PHF10: variants seen among roughly 807,000 people sequenced by gnomAD.
PHF10 encodes the protein PHD finger protein 10, also known as BRG1-associated factor 45a.
Under a neutral mutation model 68.5 loss-of-function variants are expected in PHF10, and 51 were observed. The observed-to-expected ratio is 0.74, with a 90% CI of 0.59 to 0.94. The LOEUF is 0.94. PHF10 is among the 40% of genes least tolerant of loss of function. The probability of loss-of-function intolerance (pLI) is 0.00; values close to 1 mark genes in which losing one functional copy is unlikely to be tolerated. For missense variants in PHF10, 460 were observed against 602.6 expected (o/e 0.76, Z 2.48); for synonymous variants, 204 against 203.5 (o/e 1.00, Z -0.02).
chr6:169,705,822 T>TA, intron 9 of PHF10, 98 bp from the exon 10 acceptor site: 1 of 722,240 alleles, frequency 1.4e-6, no homozygotes, highest in African/African-American at 1.8e-5. Flanking sequence ...TTACTTTTGG[T>TA]AACTTGCTAA....
At chr6:169,708,565 T>C (rs1016109709) in intron 9 of PHF10, 2 of 152,134 alleles carry the variant, frequency 1.3e-5, no homozygotes. Flanking sequence ...ATCTTTGAAA[T>C]ACCTGAAACA....
chr6:169,711,350 G>A (rs759580552), intron 8 of PHF10, among the ~76,000 whole-genome samples: 1 of 152,040 alleles, frequency 6.6e-6, no homozygotes, highest in Admixed American at 6.6e-5. Context: ...CCCACTGTGG[G>A]CATTAAAATT....
intron 9 of PHF10, chr6:169,708,988 A>C (rs1272646503): frequency 6.6e-6 from 1 of 152,186 alleles, no homozygotes; most frequent in Non-Finnish European, 1.5e-5. Flanking sequence ...CAAGTACAAA[A>C]ATCACATAGC....
At position 169,715,733 on chromosome 6, in the gene PHF10, C is replaced by T. The variant is rs1789031864; in HGVS notation, c.668G>A (p.Arg223Lys). ...NLNRERMEER[R>K]AYFDLQTHVI... Reference sequence around the variant, plus strand: ...ATGTGTCTGCAAGTCAAAATAAGCTCTTCTTTCTTCCATGCGTTCCCGGTT... The same window carrying T: ...ATGTGTCTGCAAGTCAAAATAAGCTTTTCTTTCTTCCATGCGTTCCCGGTT... Residue 223 changes from arginine to lysine, a missense_variant, in exon 6 of 12, where the codon AGA (arginine) becomes AAA (lysine). Arg to Lys is a conservative substitution (Grantham distance 26, BLOSUM62 2). Coordinates refer to ENST00000339209, the MANE Select transcript of PHF10 (RefSeq NM_018288.4). 2 of 1,612,076 alleles carry T rather than the reference C, an allele frequency of 1.2e-6. No individual in the cohort carries two copies. The highest frequency in any genetic ancestry group is 2.2e-5 in the South Asian group (2 of 90,910).
chr6:169,716,347 C>T (rs982812140), intron 4 of PHF10, among the ~76,000 whole-genome samples: 1 of 152,000 alleles, frequency 6.6e-6, no homozygotes, highest in Admixed American at 6.6e-5. Context: ...ATTCTATGTG[C>T]TTTGAACATA....
rs570864659 is a variant in PHF10 at position 169,704,201 on chromosome 6, T to C, written c.1412-113A>G. 128 of 747,498 alleles carry C rather than the reference T, an allele frequency of 1.7e-4. No individual in the cohort carries two copies. The African/African-American group carries it at 1.8e-3, about 10-fold the overall frequency. The allele number at this position is 747,498 out of a possible 1,614,324, so 46.3% of individuals were successfully genotyped here. A position where few individuals can be genotyped will look rare whatever the true frequency, so the allele number is the denominator to read the frequency against. On this transcript the variant is annotated intron_variant, in intron 11 of 11. Coordinates refer to ENST00000339209, the MANE Select transcript of PHF10 (RefSeq NM_018288.4). ...CACTAATGATATTCCTCTCTGGATT[T>C]TGTGGTGAGAAGGGCACTATGAGTT... is the stretch of plus-strand genomic sequence containing the variant.
At position 169,723,863 on chromosome 6, in the gene PHF10, G is replaced by A. The variant is rs1386853051; in HGVS notation, c.69C>T (p.Pro23=). Reference sequence around the variant, plus strand: ...TCCTCACCTTCGGGGACTGCGCTCCGGGGGTGGCTGGGTCGCTGTCGCACG... The same window carrying A: ...TCCTCACCTTCGGGGACTGCGCTCCAGGGGTGGCTGGGTCGCTGTCGCACG... ...PRPCDSDPAT[P]GAQSPKDDNE... Residue 23 remains proline (P), a synonymous_variant, in exon 1 of 12, where the codon CCC becomes CCT. Coordinates refer to ENST00000339209, the MANE Select transcript of PHF10 (RefSeq NM_018288.4). The A allele has an allele frequency of 6.4e-6, 7 of 1,092,662 alleles. No individual in the cohort carries two copies. In the East Asian group the frequency reaches 2.0e-4, roughly 30 times the overall value. The allele number at this position is 1,092,662 out of a possible 1,614,324, so 67.7% of individuals were successfully genotyped here. A position where few individuals can be genotyped will look rare whatever the true frequency, so the allele number is the denominator to read the frequency against.
rs560516212 is a variant in PHF10 at position 169,720,616 on chromosome 6, G to GA, written c.194+388dup. 1.6e-3 allele frequency among the ~76,000 whole-genome samples: 250 copies of GA among 152,250 alleles called. 1 individual carries two copies. The highest frequency in any genetic ancestry group is 5.8e-3 in the African/African-American group (239 of 41,542). On this transcript the variant is annotated intron_variant, in intron 2 of 11. Coordinates refer to ENST00000339209, the MANE Select transcript of PHF10 (RefSeq NM_018288.4). ...CTAAGTAGTCGTATTCACGGAAATAGAAAGTAGAATGATGGTTGCAAGGCG... is the reference window on the plus strand; with the variant it reads ...CTAAGTAGTCGTATTCACGGAAATAGAAAAGTAGAATGATGGTTGCAAGGCG...
chr6:169,712,835 G>A (rs575790356), intron 7 of PHF10, among the ~76,000 whole-genome samples: 1 of 152,194 alleles, frequency 6.6e-6, no homozygotes, highest in Non-Finnish European at 1.5e-5. Flanking sequence ...CCCCAAGTCT[G>A]GCTGCCAGCT....
At position 169,705,603 on chromosome 6, in the gene PHF10, T is replaced by C; in HGVS notation, c.1222+13A>G. 4 of 1,248,590 alleles carry C rather than the reference T, an allele frequency of 3.2e-6. No individual in the cohort carries two copies. The highest frequency in any genetic ancestry group is 4.7e-6 in the Non-Finnish European group (4 of 847,794). 77.3% of individuals were successfully genotyped at this position (1,248,590 alleles called of 1,614,324 possible). A position where few individuals can be genotyped will look rare whatever the true frequency, so the allele number is the denominator to read the frequency against. Reference sequence around the variant, plus strand: ...CGGTGGTTAAAATTTTAAAAAGACATTTCAATACTTACCACTATTCTCACA... The same window carrying C: ...CGGTGGTTAAAATTTTAAAAAGACACTTCAATACTTACCACTATTCTCACA... On this transcript the variant is annotated intron_variant, in intron 10 of 11. Coordinates refer to ENST00000339209, the MANE Select transcript of PHF10 (RefSeq NM_018288.4).
intron 10 of PHF10, 70 bp from the exon 11 acceptor site, chr6:169,705,391 A>C: frequency 9.3e-7 from 1 of 1,071,872 alleles, no homozygotes; most frequent in Non-Finnish European, 1.4e-6. Flanking sequence ...ATAAAATACT[A>C]GTTTGCTTTA....
At chr6:169,709,246 A>G (rs1788874647) in intron 9 of PHF10, 1 of 152,150 alleles carries the variant, frequency 6.6e-6, no homozygotes, top group Non-Finnish European at 1.5e-5. Flanking sequence ...CTTGTGAATT[A>G]TTTACCACAA....
At chr6:169,712,330 G>C in intron 8 of PHF10, 56 bp downstream of exon 8, 1 of 1,449,968 alleles carries the variant, frequency 6.9e-7, no homozygotes, top group Non-Finnish European at 9.6e-7. Context: ...GAAATTCAAT[G>C]TAACAAAAAT....
At position 169,718,905 on chromosome 6, in the gene PHF10, G is replaced by T; in HGVS notation, c.208C>A (p.Pro70Thr). ...SSQDLGFSYY[P>T]AENLIEYKWP... Reference sequence around the variant, plus strand: ...TTGTACTCTATCAAGTTTTCTGCTGGATAGTAACTAAAACTAAGTACAGAA... The same window carrying T: ...TTGTACTCTATCAAGTTTTCTGCTGTATAGTAACTAAAACTAAGTACAGAA... Residue 70 changes from proline (P) to threonine (T), a missense_variant, in exon 3 of 12, where the codon CCA (proline) becomes ACA (threonine). Pro to Thr is a conservative substitution (Grantham distance 38). Around this residue, in one of 3 missense-constraint regions of PHF10, gnomAD observed 93 missense variants for 82.4 expected, o/e 1.13. Coordinates refer to ENST00000339209, the MANE Select transcript of PHF10 (RefSeq NM_018288.4). 1 of 1,582,124 alleles carries T rather than the reference G, an allele frequency of 6.3e-7. No homozygotes were observed. Among genetic ancestry groups the T allele is most frequent in the East Asian group, 2.2e-5 (1 of 44,606 alleles).
intron 3 of PHF10, 79 bp downstream of exon 3, chr6:169,718,708 TA>T (rs1789108902): frequency 3.6e-6 from 3 of 835,842 alleles, no homozygotes; most frequent in Middle Eastern, 7.4e-4. Flanking sequence ...AAATATAATC[TA>T]CAGAAAAATT....
intron 2 of PHF10, among the ~76,000 whole-genome samples, 174 bp downstream of exon 2, chr6:169,720,831 C>A (rs6459654): frequency 6.6e-6 from 1 of 151,974 alleles, no homozygotes. Context: ...CATAAAATTG[C>A]TTTTTAATTA....
chr6:169,715,361 G>A (rs963104661), intron 6 of PHF10, among the ~76,000 whole-genome samples: 7 of 151,964 alleles, frequency 4.6e-5, no homozygotes, highest in Non-Finnish European at 1.0e-4. Context: ...AAAAGAACAC[G>A]CAGGTGTCAG....
intron 9 of PHF10, among the ~76,000 whole-genome samples, chr6:169,705,942 C>T (rs1788770624): frequency 6.6e-6 from 1 of 151,964 alleles, no homozygotes; most frequent in African/African-American, 2.4e-5. Flanking sequence ...AGCATGATCT[C>T]GTAAGATTAA....
chr6:169,714,860 G>A lies in PHF10; in HGVS notation c.694-18C>T. 1 of 1,204,568 alleles carries A rather than the reference G, an allele frequency of 8.3e-7. No homozygotes were observed. The highest frequency in any genetic ancestry group is 1.2e-6 in the Non-Finnish European group (1 of 806,058). The allele number at this position is 1,204,568 out of a possible 1,614,324, so 74.6% of individuals were successfully genotyped here. ...TGGATAACCTACGTTAACATAAAGA[G>A]AAACACAAAACTGATTCCATGCTAA... On this transcript the variant is annotated intron_variant, in intron 6 of 11. Coordinates refer to ENST00000339209, the MANE Select transcript of PHF10 (RefSeq NM_018288.4).
Sources: allele counts gnomAD v4.1 joint callset (sites outside exome capture counted in the v4.1 genomes callset), GRCh38; gene constraint gnomAD v4.1.1; regional missense constraint gnomAD v4.1.1; transcripts MANE v1.5; gene names NCBI Gene and HGNC (gene_info 2026-07-23, HGNC 2026-07-21).